The following WIZ variants were observed in gnomAD, a reference collection of about 807,000 sequenced individuals.
The protein encoded by WIZ is protein Wiz.
In WIZ, 25 loss-of-function variants were observed where a neutral mutation model predicts 140.2. The ratio of observed to expected loss-of-function variants is 0.18; its 90% CI spans 0.13 to 0.25. WIZ has a LOEUF of 0.25. Ranked by LOEUF, WIZ falls within the 10% of genes least tolerant of loss-of-function variation. The pLI is 1.00. For missense variants in WIZ, 2,231 were observed against 2,632.6 expected, an observed-to-expected ratio of 0.85 and a Z score of 3.34; for synonymous variants, 1,125 against 1,154.3, an observed-to-expected ratio of 0.97 and a Z score of 0.51.
Position 15,423,161 on chromosome 19 carries a change from A to C in WIZ, c.5585T>G (p.Leu1862Arg), listed in dbSNP as rs1463545312. The change falls in exon 13 of 13, where the codon CTG becomes CGG. Residue 1862 changes from leucine (L) to arginine (R), a missense_variant. By Grantham distance (102) the Leu-to-Arg change is moderately radical. Around this residue, in one of 15 missense-constraint regions of WIZ, gnomAD observed 299 missense variants for 309.6 expected, o/e 0.97. Coordinates refer to ENST00000673675, the MANE Select transcript of WIZ (RefSeq NM_001371589.1). Reference protein sequence around the residue: ...EWVRHLQRHILEMNFSKADPP... With the variant: ...EWVRHLQRHIREMNFSKADPP... ...GTCCGCTTTGGAGAAGTTCATCTCC[A>C]GGATGTGCCGCTGTAAGTGCCGCAC... is the stretch of plus-strand genomic sequence containing the variant. 1 of 1,613,462 alleles carries C rather than the reference A, an allele frequency of 6.2e-7. No individual in the cohort carries two copies. The highest frequency in any genetic ancestry group is 8.5e-7 in the Non-Finnish European group (1 of 1,179,946).
intron 1 of WIZ, 87 bp downstream of exon 1, chr19:15,449,711 C>T: frequency 6.9e-6 from 1 of 144,740 alleles, no homozygotes; most frequent in East Asian, 2.1e-4. Flanking sequence ...CGGGGGGTCC[C>T]GCCTGGCCCG....
At chr19:15,443,873 T>C (rs1017279209) in intron 2 of WIZ, among the ~76,000 whole-genome samples, 3 of 152,122 alleles carry the variant, frequency 2.0e-5, no homozygotes, top group Non-Finnish European at 2.9e-5. Flanking sequence ...CCCAGGCCTA[T>C]GTCCTGAAAT....
In WIZ at chr19:15,424,789, C is replaced by T. The variant is rs1380300362; in HGVS notation, c.5138G>A (p.Ser1713Asn). 2 of 1,598,200 alleles carry T rather than the reference C, an allele frequency of 1.3e-6. No individual in the cohort carries two copies. The highest frequency in any genetic ancestry group is 1.7e-5 in the Admixed American group (1 of 58,380). ...CAGCCCCAGGGACGGCCGCTTGTCACTGTCACGGCCATGGCCGGCACTGCG... is the reference window on the plus strand; with the variant it reads ...CAGCCCCAGGGACGGCCGCTTGTCATTGTCACGGCCATGGCCGGCACTGCG... Reference protein sequence around the residue: ...KFRSAGHGRDSDKRPSLGLAP... With the variant: ...KFRSAGHGRDNDKRPSLGLAP... The change falls in exon 11 of 13, where the codon AGT becomes AAT. Residue 1713 changes from serine to asparagine, a missense_variant. Around this residue, in one of 15 missense-constraint regions of WIZ, gnomAD observed 299 missense variants for 309.6 expected, o/e 0.97. Coordinates refer to ENST00000673675, the MANE Select transcript of WIZ (RefSeq NM_001371589.1). The surrounding 1 kb of genome is among the most constrained non-coding windows in gnomAD (Gnocchi z 9.7).
In WIZ at chr19:15,429,887, C is replaced by G; in HGVS notation, c.3114G>C (p.Lys1038Asn). 6.5e-7 allele frequency: 1 copy of G among 1,535,656 alleles called. No homozygotes were observed. Among genetic ancestry groups the G allele is most frequent in the Middle Eastern group, 1.7e-4 (1 of 5,980 alleles). Residue 1038 changes from lysine to asparagine, a missense_variant, in exon 7 of 13, where the codon AAG becomes AAC. Physicochemically the swap from Lys to Asn is moderately conservative, Grantham distance 94 (BLOSUM62 0). Around this residue, in one of 15 missense-constraint regions of WIZ, gnomAD observed 163 missense variants for 166.8 expected, o/e 0.98. Transcript: ENST00000673675. ...AHLGLPPGLA[K>N]KSSSLKEVVA... ...CCACCTCCTTCAGTGAGCTGGACTT[C>G]TTAGCCAGGCCTGGGGGCAGCCCAA...
At chr19:15,425,872 G>A (rs1968780674) in intron 9 of WIZ, 104 bp from the exon 10 acceptor site, 1 of 174,224 alleles carries the variant, frequency 5.7e-6, no homozygotes, top group Non-Finnish European at 1.0e-5. Flanking sequence ...AGGAGGAGGA[G>A]GAGGAGGAGG....
chr19:15,439,623 G>T lies in WIZ; in HGVS notation c.1371C>A (p.Tyr457Ter). 6.7e-7 allele frequency: 1 copy of T among 1,487,490 alleles called. No individual in the cohort carries two copies. The highest frequency in any genetic ancestry group is 8.9e-7 in the Non-Finnish European group (1 of 1,124,142). 92.1% of individuals were successfully genotyped at this position (1,487,490 alleles called of 1,614,324 possible). The change falls in exon 4 of 13, where the codon TAC becomes TAA. Residue 457 changes from tyrosine to a stop codon, truncating the protein, a stop_gained. Coordinates refer to ENST00000673675, the MANE Select transcript of WIZ (RefSeq NM_001371589.1). LOFTEE classifies it high-confidence loss of function. The surrounding 1 kb of genome is among the most constrained non-coding windows in gnomAD (Gnocchi z 7.0). Reference protein sequence around the residue: ...PEASALLYQPYGAAVGLSACV... With the variant: ...PEASALLYQP ...AGGCGCTGAGGCCAACGGCAGCTCC[G>T]TAGGGCTGATAGAGGAGGGCGCTGG...
At chr19:15,444,501 C>A (rs1264294529) in intron 2 of WIZ, among the ~76,000 whole-genome samples, 1 of 152,172 alleles carries the variant, frequency 6.6e-6, no homozygotes, top group Non-Finnish European at 1.5e-5. Flanking sequence ...GGCCTCCACA[C>A]CTCCCCAGCC....
At position 15,424,941 on chromosome 19, in the gene WIZ, G is replaced by A. The variant is rs374273293; in HGVS notation, c.4986C>T (p.Gly1662=). ...AGCCATTGACGCACCACTCGGTCAC[G>A]CCGAACTGCCGCAGGTGTGCCCGTG... ...SHARAHLRQF[G]VTEWCVNGSP... is the part of the protein sequence containing the mutation. Residue 1662 remains glycine (G), a synonymous_variant, in exon 11 of 13, where the codon GGC becomes GGT. Coordinates refer to ENST00000673675, the MANE Select transcript of WIZ (RefSeq NM_001371589.1). This position sits in a 1 kb window ranked among gnomAD's most constrained non-coding sequence, Gnocchi z 9.7. The A allele has an allele frequency of 1.4e-4, 222 of 1,608,766 alleles. No individual in the cohort carries two copies. Among genetic ancestry groups the A allele is most frequent in the East Asian group, 6.7e-5 (3 of 44,734 alleles).
chr19:15,449,260 C>A (rs1399263872), intron 1 of WIZ, among the ~76,000 whole-genome samples: 1 of 151,930 alleles, frequency 6.6e-6, no homozygotes, highest in African/African-American at 2.4e-5. Flanking sequence ...GGGGCGGGGC[C>A]GGGGCGCCAG....
At chr19:15,426,709 G>A (rs1968846339) in intron 9 of WIZ, among the ~76,000 whole-genome samples, 1 of 152,224 alleles carries the variant, frequency 6.6e-6, no homozygotes, top group Admixed American at 6.5e-5. Flanking sequence ...CTGGCTGGCA[G>A]CCACTACCAA....
chr19:15,433,898 G>A (rs1347775722), intron 5 of WIZ, among the ~76,000 whole-genome samples: 1 of 152,216 alleles, frequency 6.6e-6, no homozygotes, highest in African/African-American at 2.4e-5. Flanking sequence ...GTGGGCTTGT[G>A]AGTGGGTCTG....
In WIZ at chr19:15,424,684, C is replaced by T; in HGVS notation, c.5243G>A (p.Gly1748Asp). 1 of 1,587,490 alleles carries T rather than the reference C, an allele frequency of 6.3e-7. No homozygotes were observed. ...GPEAGRAADG[G>D]ERPLAASPPG... Reference sequence around the variant, plus strand: ...CGGGCTGGCTGCCAGAGGCCGCTCACCACCGTCGGCTGCCCGGCCAGCCTC... The same window carrying T: ...CGGGCTGGCTGCCAGAGGCCGCTCATCACCGTCGGCTGCCCGGCCAGCCTC... The change falls in exon 11 of 13, where the codon GGT becomes GAT. Residue 1748 changes from glycine to aspartate, a missense_variant. By Grantham distance (94) the Gly-to-Asp change is moderately conservative. Coordinates refer to ENST00000673675, the MANE Select transcript of WIZ (RefSeq NM_001371589.1). The surrounding 1 kb of genome is among the most constrained non-coding windows in gnomAD (Gnocchi z 9.7).
intron 5 of WIZ, among the ~76,000 whole-genome samples, chr19:15,432,814 C>T (rs1488374445): frequency 1.3e-5 from 2 of 151,512 alleles, no homozygotes; most frequent in African/African-American, 2.4e-5. Context: ...CCCCTCAGGG[C>T]GCGCCCAGGT....
intron 2 of WIZ, among the ~76,000 whole-genome samples, chr19:15,443,149 G>A (rs1337280719): frequency 1.3e-5 from 2 of 152,206 alleles, no homozygotes; most frequent in Non-Finnish European, 1.5e-5. Flanking sequence ...TCGGCTCACT[G>A]CAACCTCTGC....
In WIZ at chr19:15,428,351, C is replaced by A; in HGVS notation, c.3573G>T (p.Gly1191=). 1 of 1,535,278 alleles carries A rather than the reference C, an allele frequency of 6.5e-7. No homozygotes were observed. Among genetic ancestry groups the A allele is most frequent in the Non-Finnish European group, 8.7e-7 (1 of 1,146,644 alleles). ...AKGSPIDVLH[G]LIRRDGVQIR... ...TCTGGACGCCGTCCCTCCTGATGAG[C>A]CCGTGGAGCACGTCTATGGGGGATC... Residue 1191 remains glycine, a synonymous_variant, in exon 8 of 13, where the codon GGG becomes GGT. Transcript: ENST00000673675. This position sits in a 1 kb window ranked among gnomAD's most constrained non-coding sequence, Gnocchi z 6.4.
chr19:15,433,526 G>C (rs1447225251), intron 5 of WIZ, among the ~76,000 whole-genome samples: 1 of 152,130 alleles, frequency 6.6e-6, no homozygotes, highest in African/African-American at 2.4e-5. Context: ...CCTCTGCCTC[G>C]CAGTTATTCA....
At chr19:15,430,153 C>T (rs927362449) in intron 6 of WIZ, 64 bp from the exon 7 acceptor site, 4 of 1,445,704 alleles carry the variant, frequency 2.8e-6, no homozygotes, top group Non-Finnish European at 2.7e-6. Context: ...TCTCCCGCTT[C>T]TCCTCCCCTG....
In WIZ at chr19:15,429,745, G is replaced by A. The variant is rs1568298094; in HGVS notation, c.3256C>T (p.Pro1086Ser). Reference sequence around the variant, plus strand: ...GTCTTTTTGAGGAGTGGAGAGCTGGGCGGGTGGCCCAGGCCCTTGGCCGAG... The same window carrying A: ...GTCTTTTTGAGGAGTGGAGAGCTGGACGGGTGGCCCAGGCCCTTGGCCGAG... ...GFSAKGLGHP[P>S]SSPLLKKTPL... Residue 1086 changes from proline (P) to serine (S), a missense_variant, in exon 7 of 13, where the codon CCC (proline) becomes TCC (serine). Transcript: ENST00000673675. 3.4e-6 allele frequency: 5 copies of A among 1,484,356 alleles called. No individual in the cohort carries two copies. In the East Asian group the frequency reaches 9.9e-5, roughly 29 times the overall value. 91.9% of individuals were successfully genotyped at this position (1,484,356 alleles called of 1,614,324 possible).
intron 5 of WIZ, among the ~76,000 whole-genome samples, chr19:15,432,002 CG>C (rs933814699): frequency 2.6e-5 from 4 of 152,138 alleles, no homozygotes; most frequent in African/African-American, 9.7e-5. Flanking sequence ...TGGGATGTAA[CG>C]GGGCAGGGGG....
Sources: gnomAD v4.1 joint callset for allele counts (sites outside exome capture counted in the v4.1 genomes callset) on GRCh38, gnomAD v4.1.1 for gene constraint, gnomAD v4.1.1 regional missense constraint, Gnocchi (gnomAD v3.1) non-coding constraint, MANE v1.5 for transcripts, NCBI Gene and HGNC (gene_info 2026-07-23, HGNC 2026-07-21) for gene names.